CLDN10: variants seen among roughly 807,000 people sequenced by gnomAD.
CLDN10 encodes claudin-10.
A neutral mutation model predicts 22.9 loss-of-function variants in CLDN10; 15 were observed. The ratio of observed to expected loss-of-function variants is 0.65; its 90% CI spans 0.44 to 1.01. The LOEUF (loss-of-function observed/expected upper bound fraction) is 1.01. CLDN10 is among the 50% of genes least tolerant of loss of function. The pLI is 0.00. For missense variants in CLDN10, 247 were observed against 287.8 expected, an observed-to-expected ratio of 0.86 and a Z score of 1.03; for synonymous variants, 114 against 111.4, an observed-to-expected ratio of 1.02 and a Z score of -0.15.
At position 95,501,260 on chromosome 13, in the gene CLDN10, C is replaced by A. The variant is rs11842455; in HGVS notation, c.215-58872C>A. Among the ~76,000 whole-genome samples the A allele has an allele frequency of 2.0e-5, 3 of 152,140 alleles. No individual in the cohort carries two copies. The South Asian group carries it at 6.2e-4, about 32-fold the overall frequency. ...AACTCCTGACCTCAACTGATCCACCCGACTTGGCCTCCTGAAGTGCTGGGA... is the reference window on the plus strand; with the variant it reads ...AACTCCTGACCTCAACTGATCCACCAGACTTGGCCTCCTGAAGTGCTGGGA... On this transcript the variant is annotated intron_variant, in intron 1 of 4. Transcript: ENST00000376873.
At chr13:95,544,872 GT>G (rs547785143) in intron 1 of CLDN10, among the ~76,000 whole-genome samples, 99 of 152,000 alleles carry the variant, frequency 6.5e-4, no homozygotes, top group African/African-American at 2.4e-3. Context: ...CATCTCCCCG[GT>G]TCAAGCAATT....
chr13:95,567,006 C>T (rs2043795906), intron 3 of CLDN10, among the ~76,000 whole-genome samples: 1 of 152,170 alleles, frequency 6.6e-6, no homozygotes, highest in South Asian at 2.1e-4. Flanking sequence ...TAGTACCCTG[C>T]TGTTTTGGTT....
chr13:95,577,621 A>G (rs936513128), intron 4 of CLDN10, among the ~76,000 whole-genome samples: 1 of 152,208 alleles, frequency 6.6e-6, no homozygotes, highest in African/African-American at 2.4e-5. Context: ...GCCTCTACTA[A>G]GTCTCCTAGC....
At chr13:95,504,439 G>C (rs2043017035) in intron 1 of CLDN10, among the ~76,000 whole-genome samples, 1 of 152,138 alleles carries the variant, frequency 6.6e-6, no homozygotes, top group Middle Eastern at 3.4e-3. Flanking sequence ...GAGTGCAGTG[G>C]CCTGATCTCA....
chr13:95,452,837 T>C (rs1344052279), intron 1 of CLDN10, among the ~76,000 whole-genome samples: 1 of 152,210 alleles, frequency 6.6e-6, no homozygotes, highest in Non-Finnish European at 1.5e-5. Context: ...AGATGAGAAG[T>C]GGAAATAATT....
At chr13:95,554,811 G>C (rs2043613086) in intron 1 of CLDN10, among the ~76,000 whole-genome samples, 1 of 152,110 alleles carries the variant, frequency 6.6e-6, no homozygotes, top group Non-Finnish European at 1.5e-5. Flanking sequence ...GATCCATTGT[G>C]GACATTGGAC....
At chr13:95,550,689 C>CA (rs948764078), upstream of CLDN10, among the ~76,000 whole-genome samples, 2 of 150,500 alleles carry the variant, frequency 1.3e-5, no homozygotes, top group South Asian at 2.1e-4. Flanking sequence ...TGCTGGAGGG[C>CA]AAAAAAACAG....
chr13:95,553,055 C>G (rs1346852391), intron 1 of CLDN10, 82 bp downstream of exon 1: 4 of 1,537,740 alleles, frequency 2.6e-6, no homozygotes, highest in South Asian at 2.4e-5. Flanking sequence ...CCCAATACCC[C>G]CAGCGGGACC....
upstream of CLDN10, among the ~76,000 whole-genome samples, chr13:95,548,095 C>T (rs1258343704): frequency 6.6e-6 from 1 of 152,132 alleles, no homozygotes; most frequent in Non-Finnish European, 1.5e-5. Context: ...AAATCACTTG[C>T]CCAAAACATA....
intron 1 of CLDN10, among the ~76,000 whole-genome samples, chr13:95,450,518 G>A (rs567834697): frequency 1.3e-5 from 2 of 152,264 alleles, no homozygotes; most frequent in Admixed American, 6.5e-5. Flanking sequence ...CCAGGCTTTC[G>A]CCAAGCTTCC....
chr13:95,472,523 A>G (rs907100030), intron 1 of CLDN10, among the ~76,000 whole-genome samples: 1 of 152,106 alleles, frequency 6.6e-6, no homozygotes, highest in African/African-American at 2.4e-5. Context: ...ATACAAAATT[A>G]GCCGGGTGTG....
intron 1 of CLDN10, among the ~76,000 whole-genome samples, chr13:95,452,132 G>A (rs767882181): frequency 1.8e-4 from 28 of 152,074 alleles, no homozygotes; most frequent in Non-Finnish European, 2.9e-4. Context: ...GCTACCAATT[G>A]TTATCAATGG....
intron 1 of CLDN10, among the ~76,000 whole-genome samples, chr13:95,442,877 A>G (rs962069702): frequency 1.3e-5 from 2 of 152,234 alleles, no homozygotes; most frequent in African/African-American, 4.8e-5. Flanking sequence ...GTCAGGGTTA[A>G]ATGAAATGAT....
intron 3 of CLDN10, among the ~76,000 whole-genome samples, chr13:95,576,431 C>G (rs1329945039): frequency 6.6e-6 from 1 of 152,208 alleles, no homozygotes; most frequent in Non-Finnish European, 1.5e-5. Context: ...TAAAATCAAC[C>G]TATTCTTCTG....
At chr13:95,464,670 A>T (rs2042567539) in intron 1 of CLDN10, among the ~76,000 whole-genome samples, 1 of 152,060 alleles carries the variant, frequency 6.6e-6, no homozygotes, top group African/African-American at 2.4e-5. Context: ...GTTGTTCATG[A>T]TGACAAGGGT....
chr13:95,563,806 TTAAC>T (rs2043749230), intron 3 of CLDN10, among the ~76,000 whole-genome samples: 1 of 152,174 alleles, frequency 6.6e-6, no homozygotes, highest in African/African-American at 2.4e-5. Context: ...AACTAATAAA[TTAAC>T]TAATATGACT....
At chr13:95,470,594 A>C (rs2042620213) in intron 1 of CLDN10, among the ~76,000 whole-genome samples, 1 of 152,192 alleles carries the variant, frequency 6.6e-6, no homozygotes, top group Admixed American at 6.5e-5. Context: ...ATCAGAGAAT[A>C]AGGCATAGTG....
chr13:95,457,561 C>T (rs1316345813), intron 1 of CLDN10, among the ~76,000 whole-genome samples: 2 of 152,108 alleles, frequency 1.3e-5, no homozygotes, highest in Non-Finnish European at 2.9e-5. Context: ...CTATTTGTTC[C>T]ATTCTCTAGT....
intron 1 of CLDN10, among the ~76,000 whole-genome samples, chr13:95,447,742 C>CGT (rs5805934): frequency 0.04 from 5,904 of 147,582 alleles, 175 homozygotes; most frequent in Admixed American, 0.077. Flanking sequence ...AGTGCACATG[C>CGT]GTGTGTGTGT....
Sources: gnomAD v4.1 joint callset for allele counts (sites outside exome capture counted in the v4.1 genomes callset) on GRCh38, gnomAD v4.1.1 for gene constraint, MANE v1.5 for transcripts, NCBI Gene and HGNC (gene_info 2026-07-23, HGNC 2026-07-21) for gene names.